Variants in INPP5A observed in about 807,000 individuals in gnomAD.
The protein encoded by INPP5A is 43 kDa inositol polyphosphate 5-phophatase.
A neutral mutation model predicts 65.2 loss-of-function variants in INPP5A; 14 were observed. The observed-to-expected ratio is 0.21, with a 90% CI of 0.14 to 0.34. The LOEUF is 0.34. Among genes scored for constraint, INPP5A ranks in the 10% least tolerant of loss-of-function variants. The pLI, the probability that INPP5A is intolerant of heterozygous loss-of-function variation, is 1.00. For missense variants in INPP5A, 431 were observed against 545.6 expected, an observed-to-expected ratio of 0.79 and a Z score of 2.09; for synonymous variants, 207 against 208.3, an observed-to-expected ratio of 0.99 and a Z score of 0.05.
At chr10:132,570,712 A>G (rs1354855484) in intron 1 of INPP5A, among the ~76,000 whole-genome samples, 1 of 152,314 alleles carries the variant, frequency 6.6e-6, no homozygotes, top group East Asian at 1.9e-4. Context: ...AATAAAACCA[A>G]GGGACCAACT....
chr10:132,719,153 G>C (rs1372387243), intron 8 of INPP5A, among the ~76,000 whole-genome samples: 1 of 147,540 alleles, frequency 6.8e-6, no homozygotes, highest in East Asian at 2.0e-4. Context: ...GTTCTGTCTG[G>C]GTGCCTTAGA....
At chr10:132,756,060 T>C (rs1374893848) in intron 11 of INPP5A, among the ~76,000 whole-genome samples, 2 of 152,146 alleles carry the variant, frequency 1.3e-5, no homozygotes, top group African/African-American at 2.4e-5. Context: ...ACCCCATCAT[T>C]GGGTGGTCAG....
intron 2 of INPP5A, among the ~76,000 whole-genome samples, chr10:132,636,889 C>T (rs1482799660): frequency 1.3e-5 from 2 of 152,150 alleles, no homozygotes; most frequent in Non-Finnish European, 2.9e-5. Flanking sequence ...GAGACTGGTG[C>T]TGGTCCGATT....
At chr10:132,750,238 G>A (rs143687149) in intron 11 of INPP5A, among the ~76,000 whole-genome samples, 55 of 152,372 alleles carry the variant, frequency 3.6e-4, no homozygotes, top group South Asian at 8.3e-4. Flanking sequence ...CACTCCTGTC[G>A]CTAGACTTGC....
rs564390921 is a variant in INPP5A at position 132,545,934 on chromosome 10, C to G, written c.75+7763C>G. ...GAGGTGATGAGAGTGTGGATGGCACCTGCACTGTGTCCACTCTTTAGGCTC... is the reference window on the plus strand; with the variant it reads ...GAGGTGATGAGAGTGTGGATGGCACGTGCACTGTGTCCACTCTTTAGGCTC... On this transcript the variant is annotated intron_variant, in intron 1 of 15. Transcript: ENST00000368594. The surrounding 1 kb of genome is among the most constrained non-coding windows in gnomAD (Gnocchi z 4.6). Among the ~76,000 whole-genome samples the G allele has an allele frequency of 1.8e-4, 27 of 152,364 alleles. No individual in the cohort carries two copies. In the East Asian group the frequency reaches 4.2e-3, roughly 24 times the overall value.
chr10:132,738,050 A>C (rs947800405), intron 9 of INPP5A, among the ~76,000 whole-genome samples: 3 of 152,346 alleles, frequency 2.0e-5, no homozygotes, highest in Non-Finnish European at 4.4e-5. Context: ...TCTCTGGTCT[A>C]TGCTGGGACT....
intron 1 of INPP5A, among the ~76,000 whole-genome samples, chr10:132,563,938 G>T (rs1358269084): frequency 2.0e-5 from 3 of 152,198 alleles, no homozygotes; most frequent in African/African-American, 7.2e-5. Context: ...CTGAGTCAGG[G>T]CAGAGCGGGA....
At chr10:132,721,188 C>G (rs1258167956) in intron 8 of INPP5A, among the ~76,000 whole-genome samples, 2 of 145,104 alleles carry the variant, frequency 1.4e-5, no homozygotes, top group African/African-American at 5.1e-5. Context: ...TTCTGTGATA[C>G]CTGGGTTCTT....
intron 1 of INPP5A, among the ~76,000 whole-genome samples, chr10:132,572,110 C>A (rs2786900): frequency 0.22 from 34,189 of 152,186 alleles, 4,811 homozygotes; most frequent in East Asian, 0.46. Context: ...TCTGGCACCG[C>A]AGATAGTCTA....
At chr10:132,712,386 TGTG>T (rs999671026) in intron 8 of INPP5A, among the ~76,000 whole-genome samples, 17 of 151,414 alleles carry the variant, frequency 1.1e-4, no homozygotes, top group Admixed American at 8.6e-4. Flanking sequence ...TGTGGATGCT[TGTG>T]TGTGCATGTG....
intron 1 of INPP5A, among the ~76,000 whole-genome samples, chr10:132,562,308 G>A (rs117458535): frequency 0.015 from 2,299 of 152,348 alleles, 31 homozygotes; most frequent in South Asian, 0.039. Context: ...TGCGTGGCCC[G>A]CTCGCCACCT....
At chr10:132,606,249 G>A (rs538116553) in intron 1 of INPP5A, among the ~76,000 whole-genome samples, 2 of 152,180 alleles carry the variant, frequency 1.3e-5, no homozygotes, top group South Asian at 2.1e-4. Flanking sequence ...GCGGGACAGC[G>A]GCGTGGGTCA....
chr10:132,761,541 A>G (rs995058111), intron 11 of INPP5A, among the ~76,000 whole-genome samples: 7 of 147,842 alleles, frequency 4.7e-5, no homozygotes, highest in East Asian at 2.0e-4. Flanking sequence ...GCCACGAGGA[A>G]GCTTGCTGAG....
intron 1 of INPP5A, among the ~76,000 whole-genome samples, chr10:132,598,068 C>T (rs544490553): frequency 1.7e-4 from 26 of 152,316 alleles, no homozygotes; most frequent in Non-Finnish European, 3.2e-4. Flanking sequence ...TGTTTGATTT[C>T]GCTTGGGCGT....
intron 1 of INPP5A, among the ~76,000 whole-genome samples, chr10:132,599,488 G>C (rs190168019): frequency 7.3e-4 from 111 of 152,352 alleles, no homozygotes; most frequent in Admixed American, 1.3e-3. Flanking sequence ...GCATGGTACA[G>C]CCTCCCTCTC....
At chr10:132,589,721 C>G (rs908906210) in intron 1 of INPP5A, among the ~76,000 whole-genome samples, 4 of 152,258 alleles carry the variant, frequency 2.6e-5, no homozygotes, top group African/African-American at 9.6e-5. Context: ...TCCTCCCAAA[C>G]GGTGTTGTCT....
intron 9 of INPP5A, among the ~76,000 whole-genome samples, chr10:132,733,233 C>T (rs1288721695): frequency 6.6e-6 from 1 of 152,218 alleles, no homozygotes; most frequent in East Asian, 1.9e-4. Flanking sequence ...TGCAAGGCCC[C>T]ATTTCCAAAC....
chr10:132,727,949 A>C lies in INPP5A; in HGVS notation c.732+1044A>C, dbSNP rs1001484605. On this transcript the variant is annotated intron_variant, in intron 9 of 15. Transcript: ENST00000368594. The surrounding 1 kb of genome is among the most constrained non-coding windows in gnomAD (Gnocchi z 6.5). ...TTTTAGTCTCCAGTTCCAAACACCC[A>C]CACGTATTCATCTTCCAACGGTGGC... Among the ~76,000 whole-genome samples, 2 of 152,136 alleles carry C rather than the reference A, an allele frequency of 1.3e-5. No individual in the cohort carries two copies. The highest frequency in any genetic ancestry group is 2.9e-5 in the Non-Finnish European group (2 of 68,024).
intron 9 of INPP5A, among the ~76,000 whole-genome samples, chr10:132,735,505 G>A (rs963711116): frequency 1.3e-5 from 2 of 152,244 alleles, no homozygotes; most frequent in African/African-American, 4.8e-5. Flanking sequence ...GAAGGGACAC[G>A]TGAGTGTAAT....
Sources: gnomAD v4.1 joint callset for allele counts (sites outside exome capture counted in the v4.1 genomes callset) on GRCh38, gnomAD v4.1.1 for gene constraint, Gnocchi (gnomAD v3.1) non-coding constraint, MANE v1.5 for transcripts, NCBI Gene and HGNC (gene_info 2026-07-23, HGNC 2026-07-21) for gene names.